The following VSNL1 variants were observed in gnomAD, a reference collection of about 807,000 sequenced individuals.
The protein encoded by VSNL1 is visinin like 1.
VSNL1 carries 6 observed loss-of-function variants against 20.4 expected under a neutral mutation model. The ratio of observed to expected loss-of-function variants is 0.29; its 90% CI spans 0.16 to 0.58. The LOEUF is 0.58. Ranked by LOEUF, VSNL1 falls within the 20% of genes least tolerant of loss-of-function variation. The probability of loss-of-function intolerance (pLI) is 0.90; values close to 1 mark genes in which losing one functional copy is unlikely to be tolerated. For missense variants in VSNL1, 100 were observed against 234.5 expected, an observed-to-expected ratio of 0.43 and a Z score of 3.75; for synonymous variants, 93 against 86.4, an observed-to-expected ratio of 1.08 and a Z score of -0.42.
At chr2:17,650,887 T>C (rs1446014036) in intron 3 of VSNL1, among the ~76,000 whole-genome samples, 1 of 152,236 alleles carries the variant, frequency 6.6e-6, no homozygotes, top group African/African-American at 2.4e-5. Flanking sequence ...CTTTCAAATA[T>C]ACCCAGCAAA....
intron 1 of VSNL1, among the ~76,000 whole-genome samples, chr2:17,551,711 TC>T (rs1382943205): frequency 6.6e-6 from 1 of 152,036 alleles, no homozygotes; most frequent in Non-Finnish European, 1.5e-5. Context: ...CTGACATTCT[TC>T]CAAAGAGGTG....
chr2:17,627,294 T>C (rs761876630), intron 2 of VSNL1, among the ~76,000 whole-genome samples: 17 of 152,234 alleles, frequency 1.1e-4, no homozygotes, highest in Non-Finnish European at 2.2e-4. Context: ...CTCTGTGTTT[T>C]CAGGTACACA....
At chr2:17,578,000 G>A (rs796524905) in intron 1 of VSNL1, among the ~76,000 whole-genome samples, 1 of 152,016 alleles carries the variant, frequency 6.6e-6, no homozygotes, top group Admixed American at 6.5e-5. Context: ...TTCATAAAAC[G>A]GTTGTAAAGA....
intron 1 of VSNL1, among the ~76,000 whole-genome samples, chr2:17,583,685 C>T (rs972196068): frequency 3.3e-5 from 5 of 152,208 alleles, no homozygotes; most frequent in African/African-American, 1.2e-4. Flanking sequence ...ATGGTTGATG[C>T]TTAGTTGGGG....
chr2:17,590,370 C>G (rs1664571292), intron 1 of VSNL1, among the ~76,000 whole-genome samples: 2 of 152,186 alleles, frequency 1.3e-5, no homozygotes, highest in South Asian at 4.2e-4. Flanking sequence ...ACCTGAGTAC[C>G]CACTTGATTT....
chr2:17,633,958 C>T (rs866070322), intron 2 of VSNL1, among the ~76,000 whole-genome samples: 14 of 152,164 alleles, frequency 9.2e-5, no homozygotes, highest in African/African-American at 3.4e-4. Flanking sequence ...CATGCAAAAG[C>T]ACTCTGGAAA....
At chr2:17,543,745 C>T (rs924755193) in intron 1 of VSNL1, among the ~76,000 whole-genome samples, 1 of 152,292 alleles carries the variant, frequency 6.6e-6, no homozygotes, top group Non-Finnish European at 1.5e-5. Context: ...TTTATTCTTT[C>T]GCAGTTTCTG....
chr2:17,605,670 C>T (rs1164910501), intron 2 of VSNL1, among the ~76,000 whole-genome samples: 1 of 152,176 alleles, frequency 6.6e-6, no homozygotes, highest in Non-Finnish European at 1.5e-5. Flanking sequence ...GGGACAGGAT[C>T]ACATTTGACA....
intron 1 of VSNL1, among the ~76,000 whole-genome samples, chr2:17,552,300 G>T (rs1310972860): frequency 1.3e-5 from 2 of 151,938 alleles, no homozygotes; most frequent in African/African-American, 4.8e-5. Flanking sequence ...GTAAGTGTCT[G>T]CAAGGTTAGC....
At chr2:17,548,219 C>CA (rs1663445257) in intron 1 of VSNL1, among the ~76,000 whole-genome samples, 1 of 151,968 alleles carries the variant, frequency 6.6e-6, no homozygotes, top group Non-Finnish European at 1.5e-5. Flanking sequence ...CCCCCACCCC[C>CA]ACACACATCA....
Position 17,636,263 on chromosome 2 carries a change from A to G in VSNL1, c.163-13147A>G, listed in dbSNP as rs138698505. Among the ~76,000 whole-genome samples the G allele has an allele frequency of 4.8e-3, 729 of 152,066 alleles. 4 individuals carry two copies. Among genetic ancestry groups the G allele is most frequent in the Non-Finnish European group, 7.5e-3 (510 of 68,002 alleles). On this transcript the variant is annotated intron_variant, in intron 2 of 3. Coordinates refer to ENST00000295156, the MANE Select transcript of VSNL1 (RefSeq NM_003385.5). ...TTCCACCAAGCTCCAAGCAAGCAGA[A>G]GGCCTCATCTCTCTGGCCACACTCA... is the stretch of plus-strand genomic sequence containing the variant.
chr2:17,549,432 T>C (rs1663476195), intron 1 of VSNL1, among the ~76,000 whole-genome samples: 1 of 152,232 alleles, frequency 6.6e-6, no homozygotes, highest in African/African-American at 2.4e-5. Context: ...GTATGTTCAA[T>C]GTACTGTAAT....
chr2:17,582,572 T>C (rs1236920736), intron 1 of VSNL1, among the ~76,000 whole-genome samples: 1 of 152,086 alleles, frequency 6.6e-6, no homozygotes, highest in Non-Finnish European at 1.5e-5. Flanking sequence ...ACTTCTTAAC[T>C]TGTTGATAGG....
chr2:17,627,458 A>G (rs1264684155), intron 2 of VSNL1, among the ~76,000 whole-genome samples: 1 of 152,246 alleles, frequency 6.6e-6, no homozygotes, highest in Non-Finnish European at 1.5e-5. Flanking sequence ...GTGTCTATGC[A>G]GGAGATGAGT....
chr2:17,575,726 G>A (rs992691828), intron 1 of VSNL1, among the ~76,000 whole-genome samples: 10 of 151,930 alleles, frequency 6.6e-5, no homozygotes, highest in Non-Finnish European at 1.2e-4. Flanking sequence ...TAGTAGAGAC[G>A]GGGTTTCACC....
At chr2:17,602,585 A>G (rs868812118) in intron 2 of VSNL1, among the ~76,000 whole-genome samples, 1 of 152,036 alleles carries the variant, frequency 6.6e-6, no homozygotes, top group East Asian at 1.9e-4. Flanking sequence ...TCTACTAAAG[A>G]TATAAAAATT....
At chr2:17,606,176 G>C (rs772533841) in intron 2 of VSNL1, among the ~76,000 whole-genome samples, 8 of 152,178 alleles carry the variant, frequency 5.3e-5, no homozygotes, top group Non-Finnish European at 1.2e-4. Flanking sequence ...GATCTCAGGT[G>C]ATCCTCATCC....
intron 2 of VSNL1, among the ~76,000 whole-genome samples, chr2:17,606,910 T>G (rs1664957894): frequency 6.6e-6 from 1 of 152,184 alleles, no homozygotes; most frequent in Non-Finnish European, 1.5e-5. Context: ...TTTTCTTTCA[T>G]CCAGACAAGC....
intron 1 of VSNL1, among the ~76,000 whole-genome samples, chr2:17,556,599 T>C (rs1179048161): frequency 1.3e-5 from 2 of 152,156 alleles, no homozygotes; most frequent in Non-Finnish European, 2.9e-5. Context: ...GAGCGGGGGA[T>C]AGGGTAGATG....
Sources: gnomAD v4.1 joint callset for allele counts (sites outside exome capture counted in the v4.1 genomes callset) on GRCh38, gnomAD v4.1.1 for gene constraint, MANE v1.5 for transcripts, NCBI Gene and HGNC (gene_info 2026-07-23, HGNC 2026-07-21) for gene names.